Variants in COL19A1 observed in about 807,000 individuals in gnomAD.
The protein encoded by COL19A1 is collagen type XIX alpha 1 chain.
A neutral mutation model predicts 190.2 loss-of-function variants in COL19A1; 159 were observed. The ratio of observed to expected loss-of-function variants is 0.84; its 90% CI spans 0.73 to 0.95. The LOEUF is 0.95. Among genes scored for constraint, COL19A1 ranks in the 40% least tolerant of loss-of-function variants. The pLI is 0.00. For synonymous variants in COL19A1, 509 were observed against 458.9 expected (o/e 1.11, Z -1.39); for missense variants, 1,418 against 1,431.9 (o/e 0.99, Z 0.16).
intron 9 of COL19A1, among the ~76,000 whole-genome samples, chr6:69,959,418 G>A (rs532846504): frequency 5.3e-5 from 8 of 151,948 alleles, no homozygotes; most frequent in Non-Finnish European, 1.0e-4. Context: ...AAAAAATTCC[G>A]ATTTTAGGCA....
chr6:69,975,344 A>G lies in COL19A1; in HGVS notation c.1026+12474A>G, dbSNP rs1012266507. Among the ~76,000 whole-genome samples the G allele has an allele frequency of 3.3e-5, 5 of 152,186 alleles. No individual in the cohort carries two copies. In the East Asian group the frequency reaches 9.6e-4, roughly 29 times the overall value. On this transcript the variant is annotated intron_variant, in intron 11 of 50. Coordinates refer to ENST00000620364, the MANE Select transcript of COL19A1 (RefSeq NM_001858.6). ...TCTAGCACTTTGAGCAGTCATTCAT[A>G]TAGGCAGTTTAATATAATGAAGGCA...
chr6:70,069,925 T>A (rs1166705852), intron 15 of COL19A1, among the ~76,000 whole-genome samples: 1 of 152,198 alleles, frequency 6.6e-6, no homozygotes, highest in East Asian at 1.9e-4. Context: ...TATGCTACTT[T>A]AAAATTTGAT....
intron 15 of COL19A1, among the ~76,000 whole-genome samples, chr6:70,083,312 A>C (rs1289198595): frequency 6.6e-6 from 1 of 152,194 alleles, no homozygotes; most frequent in Admixed American, 6.5e-5. Context: ...ACACACTTTA[A>C]ATAAAGTGTA....
At chr6:69,921,527 T>C (rs1771927439) in intron 4 of COL19A1, among the ~76,000 whole-genome samples, 1 of 141,364 alleles carries the variant, frequency 7.1e-6, no homozygotes, top group Non-Finnish European at 1.5e-5. Flanking sequence ...TATTCATATA[T>C]ATTCATGTAT....
intron 11 of COL19A1, among the ~76,000 whole-genome samples, chr6:69,979,408 A>G (rs1775910436): frequency 6.6e-6 from 1 of 151,964 alleles, no homozygotes; most frequent in African/African-American, 2.4e-5. Context: ...CAATTAAAGC[A>G]TAAAAGTTAA....
At chr6:70,169,318 C>T (rs1765362786) in intron 40 of COL19A1, among the ~76,000 whole-genome samples, 1 of 152,114 alleles carries the variant, frequency 6.6e-6, no homozygotes, top group South Asian at 2.1e-4. Context: ...GGCATTTTCT[C>T]CTGTCATGTC....
At chr6:69,964,505 A>G (rs1381917104) in intron 11 of COL19A1, among the ~76,000 whole-genome samples, 5 of 152,176 alleles carry the variant, frequency 3.3e-5, no homozygotes, top group Admixed American at 6.5e-5. Context: ...AAAGTCACCA[A>G]TACACTAAAG....
At chr6:70,181,495 GGCATATCATTAAA>G (rs1766173798) in intron 44 of COL19A1, among the ~76,000 whole-genome samples, 1 of 151,858 alleles carries the variant, frequency 6.6e-6, no homozygotes, top group Admixed American at 6.6e-5. Context: ...TCCCCTGCAA[GGCATATCATTAAA>G]GCCTGCCACT....
intron 15 of COL19A1, among the ~76,000 whole-genome samples, chr6:70,079,099 A>C (rs1257378801): frequency 6.6e-6 from 1 of 152,158 alleles, no homozygotes; most frequent in African/African-American, 2.4e-5. Flanking sequence ...AGTCTAATCA[A>C]TAAGTAATAA....
intron 17 of COL19A1, 74 bp from the exon 18 acceptor site, chr6:70,130,108 A>C (rs371269293): frequency 8.6e-6 from 13 of 1,519,954 alleles, no homozygotes; most frequent in Middle Eastern, 1.7e-4. Flanking sequence ...CTGACTGCTT[A>C]TACTGTTACA....
chr6:69,885,892 A>G (rs923361484), intron 2 of COL19A1, among the ~76,000 whole-genome samples: 4 of 152,234 alleles, frequency 2.6e-5, no homozygotes, highest in African/African-American at 9.6e-5. Flanking sequence ...AGAAGCGATC[A>G]TGGGGGAATA....
At chr6:70,070,697 AT>A (rs1424590422) in intron 15 of COL19A1, among the ~76,000 whole-genome samples, 1 of 152,108 alleles carries the variant, frequency 6.6e-6, no homozygotes, top group Non-Finnish European at 1.5e-5. Context: ...GAGTGCCACC[AT>A]TTCTTCTCAG....
intron 14 of COL19A1, chr6:70,059,905 A>G (rs58207835): frequency 0.028 from 9,589 of 341,654 alleles, 908 homozygotes; most frequent in African/African-American, 0.2. Flanking sequence ...GGCATTTTTC[A>G]TCAGCAAATT....
chr6:69,915,843 G>A (rs1049739692), intron 4 of COL19A1, among the ~76,000 whole-genome samples: 11 of 150,930 alleles, frequency 7.3e-5, no homozygotes, highest in African/African-American at 1.5e-4. Context: ...ATCAGAACAC[G>A]TTTTACCTTT....
intron 3 of COL19A1, 74 bp downstream of exon 3, chr6:69,899,096 A>G: frequency 1.1e-6 from 1 of 932,608 alleles, no homozygotes; most frequent in East Asian, 2.4e-5. Flanking sequence ...GGAATACATT[A>G]TAGGTGAATC....
intron 27 of COL19A1, among the ~76,000 whole-genome samples, chr6:70,148,032 G>A (rs180955700): frequency 1.8e-4 from 27 of 152,210 alleles, no homozygotes; most frequent in Non-Finnish European, 2.6e-4. Flanking sequence ...GAGTGTAGGA[G>A]CTTCAGTCCC....
rs1258924947 is a variant in COL19A1 at position 69,938,661 on chromosome 6, G to C, written c.936+561G>C. 2.6e-5 allele frequency among the ~76,000 whole-genome samples: 4 copies of C among 152,128 alleles called. No homozygotes were observed. The East Asian group carries it at 7.7e-4, about 29-fold the overall frequency. On this transcript the variant is annotated intron_variant, in intron 9 of 50. Transcript: ENST00000620364. ...TACAAGGCCATATGTGTTAGGTGCT[G>C]TAGGAGAGTTGCAAGTGTCCTGGAG... is the stretch of plus-strand genomic sequence containing the variant.
chr6:69,939,175 T>C lies in COL19A1; in HGVS notation c.936+1075T>C, dbSNP rs1388724309. On this transcript the variant is annotated intron_variant, in intron 9 of 50. Transcript: ENST00000620364. Reference sequence around the variant, plus strand: ...TTTTGAGGAGGGACAGGCCATTTATTATTGCTCTTTAAAATGCATTGCTTG... The same window carrying C: ...TTTTGAGGAGGGACAGGCCATTTATCATTGCTCTTTAAAATGCATTGCTTG... 2.6e-5 allele frequency among the ~76,000 whole-genome samples: 4 copies of C among 152,270 alleles called. No individual in the cohort carries two copies. In the East Asian group the frequency reaches 7.7e-4, roughly 29 times the overall value.
chr6:70,125,293 AC>A (rs778891882), intron 17 of COL19A1, among the ~76,000 whole-genome samples: 5 of 152,160 alleles, frequency 3.3e-5, no homozygotes, highest in African/African-American at 1.2e-4. Flanking sequence ...GGAGCCCTAG[AC>A]CTCAGCTCTT....
Sources: gnomAD v4.1 joint callset for allele counts (sites outside exome capture counted in the v4.1 genomes callset) on GRCh38, gnomAD v4.1.1 for gene constraint, MANE v1.5 for transcripts, NCBI Gene and HGNC (gene_info 2026-07-23, HGNC 2026-07-21) for gene names.